The following AVEN variants were observed in gnomAD, a reference collection of about 807,000 sequenced individuals.
The protein encoded by AVEN is cell death regulator Aven.
In AVEN, 41 loss-of-function variants were observed where a neutral mutation model predicts 38.1. The observed-to-expected ratio is 1.08, with a 90% confidence interval of 0.84 to 1.40. The LOEUF (loss-of-function observed/expected upper bound fraction) is 1.40. AVEN is among the 40% of genes most tolerant of loss of function. The pLI is 0.00. For missense variants in AVEN, 605 were observed against 438.8 expected, an observed-to-expected ratio of 1.38 and a Z score of -3.38; for synonymous variants, 206 against 171.8, an observed-to-expected ratio of 1.20 and a Z score of -1.56.
intron 2 of AVEN, chr15:34,066,987 A>T (rs1900528025): frequency 6.6e-6 from 1 of 152,206 alleles, no homozygotes; most frequent in Non-Finnish European, 1.5e-5. Context: ...CCTCAGAATG[A>T]ATAGACCTAA....
chr15:33,938,339 C>T (rs1382017128), intron 2 of AVEN, among the ~76,000 whole-genome samples: 1 of 151,964 alleles, frequency 6.6e-6, no homozygotes, highest in Non-Finnish European at 1.5e-5. Context: ...CCTGTAGTAC[C>T]AGCTACTAGG....
intron 3 of AVEN, among the ~76,000 whole-genome samples, chr15:33,873,615 C>T (rs756855593): frequency 6.8e-6 from 1 of 147,932 alleles, no homozygotes; most frequent in African/African-American, 2.5e-5. Context: ...TTATATATAT[C>T]CAGTTTTTTC....
At chr15:33,968,905 T>C (rs970455734) in intron 2 of AVEN, 1 of 152,130 alleles carries the variant, frequency 6.6e-6, no homozygotes, top group Non-Finnish European at 1.5e-5. Context: ...CAACTGCTGT[T>C]ACCAGATAAA....
intron 2 of AVEN, among the ~76,000 whole-genome samples, chr15:33,933,051 C>T (rs1278474871): frequency 6.6e-6 from 1 of 151,992 alleles, no homozygotes; most frequent in East Asian, 1.9e-4. Context: ...TATTTGGATC[C>T]CATTCAAAAA....
At position 33,866,381 on chromosome 15, in the gene AVEN, T is replaced by A; in HGVS notation, c.*232A>T. Reference sequence around the variant, plus strand: ...GAAACAAGGGCCAGAGTCTATCTCCTGCCCTTAAGGAAATCTATTAGATTA... The same window carrying A: ...GAAACAAGGGCCAGAGTCTATCTCCAGCCCTTAAGGAAATCTATTAGATTA... On this transcript the variant is annotated 3_prime_UTR_variant, in exon 6 of 6. Transcript: ENST00000306730. The A allele has an allele frequency of 1.8e-6, 1 of 558,376 alleles. No homozygotes were observed. Among genetic ancestry groups the A allele is most frequent in the South Asian group, 2.3e-5 (1 of 42,888 alleles). 34.6% of individuals were successfully genotyped at this position (558,376 alleles called of 1,614,324 possible).
At chr15:33,950,866 G>A (rs1283764729) in intron 2 of AVEN, among the ~76,000 whole-genome samples, 1 of 152,120 alleles carries the variant, frequency 6.6e-6, no homozygotes, top group Non-Finnish European at 1.5e-5. Context: ...AATTAGCAAG[G>A]CAGGGTGGCT....
chr15:33,987,250 T>G (rs1008678405), intron 2 of AVEN, among the ~76,000 whole-genome samples: 1 of 152,244 alleles, frequency 6.6e-6, no homozygotes, highest in African/African-American at 2.4e-5. Context: ...TGTGCTTTAT[T>G]CTTTTGCATA....
In AVEN at chr15:34,003,077, C is replaced by A. The variant is rs1188593275; in HGVS notation, c.400G>T (p.Glu134Ter). 1 of 1,614,046 alleles carries A rather than the reference C, an allele frequency of 6.2e-7. No individual in the cohort carries two copies. Among genetic ancestry groups the A allele is most frequent in the Non-Finnish European group, 8.5e-7 (1 of 1,179,924 alleles). The change falls in exon 2 of 6, where the codon GAG (glutamate) becomes TAG (stop). Residue 134 changes from glutamate (E) to a stop codon, truncating the protein, a stop_gained. Transcript: ENST00000306730. LOFTEE classifies it high-confidence loss of function. ...IEKEVNNESG[E>*]SQRGTDFSVL... is the part of the protein sequence containing the mutation. ...CTGAAATCTGTTCCCCTCTGTGACT[C>A]TCCACTTTCATTATTGACCTCTTTT... is the stretch of plus-strand genomic sequence containing the variant.
Position 34,045,290 on chromosome 15 carries a change from C to T in AVEN, n.1637+17632G>A, listed in dbSNP as rs1233351173. 5.9e-5 allele frequency among the ~76,000 whole-genome samples: 9 copies of T among 152,178 alleles called. No individual in the cohort carries two copies. In the South Asian group the frequency reaches 1.0e-3, roughly 18 times the overall value. On this transcript the variant is annotated intron_variant and non_coding_transcript_variant, in intron 5 of 11. Coordinates refer to the AVEN transcript ENST00000675287. Reference sequence around the variant, plus strand: ...GAACATGTCACATTGAAATCCTGCTCTGGATATTATTGCTTCAGAGGTATT... The same window carrying T: ...GAACATGTCACATTGAAATCCTGCTTTGGATATTATTGCTTCAGAGGTATT...
chr15:33,952,050 G>A (rs971715050), intron 2 of AVEN, among the ~76,000 whole-genome samples: 6 of 152,280 alleles, frequency 3.9e-5, no homozygotes, highest in East Asian at 1.9e-4. Context: ...ATAGCAAGAT[G>A]TATAGATTAT....
chr15:33,884,741 T>C (rs1183894392), intron 2 of AVEN, among the ~76,000 whole-genome samples: 1 of 151,958 alleles, frequency 6.6e-6, no homozygotes, highest in Non-Finnish European at 1.5e-5. Context: ...AGTTCAGAGA[T>C]TACAAGGAAC....
chr15:33,864,763 TC>T (rs1889878511), downstream of AVEN: 1 of 201,948 alleles, frequency 5.0e-6, no homozygotes, highest in South Asian at 1.3e-4. Flanking sequence ...GTACCTGGTT[TC>T]CAGCTCTGGA....
chr15:34,019,447 C>G (rs989836645), intron 1 of AVEN, among the ~76,000 whole-genome samples: 1 of 152,046 alleles, frequency 6.6e-6, no homozygotes, highest in African/African-American at 2.4e-5. Flanking sequence ...TTAAAAAAAG[C>G]ATAAGTTTAG....
intron 5 of AVEN, among the ~76,000 whole-genome samples, chr15:34,049,621 G>C (rs1381283209): frequency 6.6e-6 from 1 of 152,122 alleles, no homozygotes; most frequent in African/African-American, 2.4e-5. Context: ...CAGGATATCA[G>C]TCAGGAGAAT....
intron 5 of AVEN, among the ~76,000 whole-genome samples, chr15:34,047,897 G>A (rs1390581822): frequency 6.6e-6 from 1 of 152,068 alleles, no homozygotes. Context: ...CAGGATGAGG[G>A]GCTCTCCACA....
At chr15:34,006,340 T>C (rs1897342181) in intron 1 of AVEN, among the ~76,000 whole-genome samples, 1 of 149,840 alleles carries the variant, frequency 6.7e-6, no homozygotes, top group Non-Finnish European at 1.5e-5. Context: ...TTGTAACTGA[T>C]GAGAATTTGC....
intron 2 of AVEN, among the ~76,000 whole-genome samples, chr15:33,970,445 T>C (rs1895585989): frequency 6.6e-6 from 1 of 151,970 alleles, no homozygotes; most frequent in South Asian, 2.1e-4. Flanking sequence ...AAAAAATGTT[T>C]ATTTAGAAAT....
chr15:34,040,326 G>A (rs368040595), upstream of AVEN, among the ~76,000 whole-genome samples: 4 of 152,274 alleles, frequency 2.6e-5, no homozygotes, highest in East Asian at 5.8e-4. Flanking sequence ...TATTTAAACG[G>A]GTTACCCAAG....
chr15:33,855,256 G>A (rs533986782), downstream of AVEN, among the ~76,000 whole-genome samples: 55 of 152,040 alleles, frequency 3.6e-4, no homozygotes, highest in African/African-American at 1.0e-3. Flanking sequence ...GGAGTGCAGC[G>A]GTGGGATCTT....
Sources: gnomAD v4.1 joint callset for allele counts (sites outside exome capture counted in the v4.1 genomes callset) on GRCh38, gnomAD v4.1.1 for gene constraint, MANE v1.5 for transcripts, NCBI Gene and HGNC (gene_info 2026-07-23, HGNC 2026-07-21) for gene names.